Variants in RHOBTB3 observed in about 807,000 individuals in gnomAD.
RHOBTB3 encodes Rho related BTB domain containing 3, also known as rho-related BTB domain-containing protein 3.
In RHOBTB3, 47 loss-of-function variants were observed where a neutral mutation model predicts 67.2. The observed-to-expected ratio is 0.70, with a 90% CI of 0.55 to 0.89. The LOEUF (loss-of-function observed/expected upper bound fraction) is 0.89, where lower values mean the gene tolerates loss of function less well. Among genes scored for constraint, RHOBTB3 ranks in the 40% least tolerant of loss-of-function variants. RHOBTB3 has a pLI of 0.00. For synonymous variants in RHOBTB3, 273 were observed against 274.2 expected (o/e 1.00, Z 0.04); for missense variants, 631 against 750.0 (o/e 0.84, Z 1.85).
At position 95,736,870 on chromosome 5, in the gene RHOBTB3, T is replaced by C. The variant is rs1466677444; in HGVS notation, c.229-19T>C. The C allele has an allele frequency of 3.3e-6, 5 of 1,522,456 alleles. No individual in the cohort carries two copies. The Admixed American group carries it at 6.2e-5, about 19-fold the overall frequency. 94.3% of individuals were successfully genotyped at this position (1,522,456 alleles called of 1,614,324 possible). ...GGACGATAAGTAGACTAAAGATTGC[T>C]ATTTGCATTTTGGTTTAGGACATAT... On this transcript the variant is annotated intron_variant, in intron 2 of 11. Coordinates refer to ENST00000379982, the MANE Select transcript of RHOBTB3 (RefSeq NM_014899.4).
intron 9 of RHOBTB3, chr5:95,781,798 C>T (rs1238405415): frequency 1.3e-5 from 2 of 152,236 alleles, no homozygotes; most frequent in Non-Finnish European, 2.9e-5. Context: ...TGCAGTGAGC[C>T]AAGATGGCGC....
chr5:95,775,240 A>T (rs1165524270), intron 8 of RHOBTB3, among the ~76,000 whole-genome samples: 5 of 151,876 alleles, frequency 3.3e-5, no homozygotes, highest in Non-Finnish European at 7.4e-5. Context: ...AAAAACCCAA[A>T]ATCCAAAATG....
At chr5:95,792,398 AAAAAG>A (rs61678250) in intron 11 of RHOBTB3, among the ~76,000 whole-genome samples, 58,595 of 127,612 alleles carry the variant, frequency 0.46, 14,469 homozygotes, top group African/African-American at 0.66. Flanking sequence ...GAAAAAAAAA[AAAAAG>A]AAAAGAAAAG....
At chr5:95,761,673 C>T (rs1339286255) in intron 6 of RHOBTB3, among the ~76,000 whole-genome samples, 2 of 152,132 alleles carry the variant, frequency 1.3e-5, no homozygotes, top group African/African-American at 4.8e-5. Flanking sequence ...GGGCTTCAGG[C>T]CCAGAAATTC....
rs1213795295 is a variant in RHOBTB3, at chr5:95,794,233, G to A, written c.*1059G>A. 1 of 284,002 alleles carries A rather than the reference G, an allele frequency of 3.5e-6. No homozygotes were observed. The highest frequency in any genetic ancestry group is 7.0e-6 in the Non-Finnish European group (1 of 141,970). 17.6% of individuals were successfully genotyped at this position (284,002 alleles called of 1,614,324 possible). ...AAATACTTTCTTGATCATTCTGTAA[G>A]ACCAGGAGGTTGGTAAGAGTGACTA... On this transcript the variant is annotated 3_prime_UTR_variant, in exon 12 of 12. Transcript: ENST00000379982.
intron 8 of RHOBTB3, chr5:95,769,464 C>T (rs1745642698): frequency 4.9e-6 from 1 of 202,198 alleles, no homozygotes; most frequent in Non-Finnish European, 1.0e-5. Flanking sequence ...AATTGCTGAA[C>T]TTAAGAAGCA....
At chr5:95,746,880 G>A (rs552511611) in intron 3 of RHOBTB3, among the ~76,000 whole-genome samples, 1 of 152,282 alleles carries the variant, frequency 6.6e-6, no homozygotes, top group South Asian at 2.1e-4. Flanking sequence ...ATGTGTATGT[G>A]CATTTTTACA....
chr5:95,729,114 C>T (rs868178524), upstream of RHOBTB3, among the ~76,000 whole-genome samples: 1 of 152,212 alleles, frequency 6.6e-6, no homozygotes, highest in South Asian at 2.1e-4. Context: ...TATAAGTATA[C>T]TCAGTCGAGC....
chr5:95,727,400 T>C (rs1755088311), upstream of RHOBTB3, among the ~76,000 whole-genome samples: 1 of 152,232 alleles, frequency 6.6e-6, no homozygotes, highest in Non-Finnish European at 1.5e-5. Context: ...AACTGGTATA[T>C]GAATATTCAC....
intron 1 of RHOBTB3, among the ~76,000 whole-genome samples, chr5:95,721,010 G>A (rs764161817): frequency 2.0e-5 from 3 of 152,184 alleles, no homozygotes; most frequent in Non-Finnish European, 2.9e-5. Flanking sequence ...TAAAAGAAAA[G>A]TCACAGTCTA....
intron 8 of RHOBTB3, among the ~76,000 whole-genome samples, chr5:95,775,343 G>T (rs1213281047): frequency 6.6e-6 from 1 of 150,752 alleles, no homozygotes; most frequent in African/African-American, 2.4e-5. Flanking sequence ...GATTAGAGTT[G>T]CTAAACTATT....
At chr5:95,758,761 G>A (rs1314179348) in intron 6 of RHOBTB3, among the ~76,000 whole-genome samples, 1 of 152,150 alleles carries the variant, frequency 6.6e-6, no homozygotes, top group Non-Finnish European at 1.5e-5. Flanking sequence ...TGTTCCTGTG[G>A]AGATTCTGAT....
chr5:95,766,058 T>A (rs955390810), intron 7 of RHOBTB3, among the ~76,000 whole-genome samples: 4 of 152,090 alleles, frequency 2.6e-5, no homozygotes, highest in Non-Finnish European at 5.9e-5. Flanking sequence ...ATGTTGTGTA[T>A]AGGATCTCAG....
intron 1 of RHOBTB3, among the ~76,000 whole-genome samples, chr5:95,724,795 A>G (rs187086031): frequency 3.7e-4 from 57 of 152,336 alleles, no homozygotes; most frequent in Non-Finnish European, 6.8e-4. Flanking sequence ...GGATAATAAT[A>G]GAACCTACTC....
chr5:95,782,184 T>G (rs1193551439), intron 9 of RHOBTB3: 1 of 152,200 alleles, frequency 6.6e-6, no homozygotes, highest in Non-Finnish European at 1.5e-5. Flanking sequence ...ATCTGTGCAT[T>G]GGGAAGATCA....
intron 1 of RHOBTB3, among the ~76,000 whole-genome samples, chr5:95,719,415 G>A (rs906267073): frequency 2.0e-5 from 3 of 152,184 alleles, no homozygotes; most frequent in African/African-American, 7.2e-5. Flanking sequence ...GGTAAACCTA[G>A]ATGGCCAAGA....
At position 95,731,598 on chromosome 5, in the gene RHOBTB3, G is replaced by T. The variant is rs557148836; in HGVS notation, c.-85G>T. 33 of 1,589,030 alleles carry T rather than the reference G, an allele frequency of 2.1e-5. No individual in the cohort carries two copies. In the South Asian group the frequency reaches 2.6e-4, roughly 13 times the overall value. On this transcript the variant is annotated 5_prime_UTR_variant, in exon 1 of 12. Transcript: ENST00000379982. ...ACGCGGCCGGGGATGAGCGGATTGC[G>T]GGTGAACTCGCCGCCCGGGGGCCCC... is the stretch of plus-strand genomic sequence containing the variant.
At chr5:95,783,680 G>A in intron 9 of RHOBTB3, 117 bp from the exon 10 acceptor site, 1 of 762,570 alleles carries the variant, frequency 1.3e-6, no homozygotes, top group East Asian at 2.6e-5. Flanking sequence ...CTATTCTATG[G>A]TGGATGCTAC....
In RHOBTB3 at chr5:95,736,954, C is replaced by A; in HGVS notation, c.294C>A (p.Ile98=). Residue 98 remains isoleucine, a synonymous_variant, in exon 3 of 12, where the codon ATC becomes ATA. Coordinates refer to ENST00000379982, the MANE Select transcript of RHOBTB3 (RefSeq NM_014899.4). ...TTGGGGGCGCTGACATCATTGTGAT[C>A]AAATACAACGTTAATGACAAGTTTT... The part of the protein sequence containing the change: ...NLIGGADIIV[I]KYNVNDKFSF... The A allele has an allele frequency of 6.2e-7, 1 of 1,612,288 alleles. No individual in the cohort carries two copies. The highest frequency in any genetic ancestry group is 1.1e-5 in the South Asian group (1 of 90,846).
Sources: gnomAD v4.1 joint callset for allele counts (sites outside exome capture counted in the v4.1 genomes callset) on GRCh38, gnomAD v4.1.1 for gene constraint, MANE v1.5 for transcripts, NCBI Gene and HGNC (gene_info 2026-07-23, HGNC 2026-07-21) for gene names.